The following CUL3 variants were observed in gnomAD, a reference collection of about 807,000 sequenced individuals.
The protein encoded by CUL3 is cullin-3.
CUL3 carries 19 observed loss-of-function variants against 89.1 expected under a neutral mutation model. That is an observed-to-expected ratio of 0.21 (90% CI 0.15 to 0.31). The LOEUF is 0.31. Ranked by LOEUF, CUL3 falls within the 10% of genes least tolerant of loss-of-function variation. The pLI is 1.00. For synonymous variants in CUL3, 351 were observed against 308.4 expected, an observed-to-expected ratio of 1.14 and a Z score of -1.45; for missense variants, 469 against 942.3, an observed-to-expected ratio of 0.50 and a Z score of 6.58.
chr2:224,558,410 T>C (rs1694790210), intron 1 of CUL3, among the ~76,000 whole-genome samples: 1 of 152,224 alleles, frequency 6.6e-6, no homozygotes, highest in Non-Finnish European at 1.5e-5. Context: ...ATCCTCACTC[T>C]ATGATTATGA....
At position 224,478,500 on chromosome 2, in the gene CUL3, TTAA is replaced by T. The variant is rs1574609453; in HGVS notation, c.2030-158_2030-156del. On this transcript the variant is annotated intron_variant, in intron 14 of 15. Coordinates refer to ENST00000264414, the MANE Select transcript of CUL3 (RefSeq NM_003590.5). The stretch of plus-strand genomic sequence containing the variant: ...TTCAAGTACGCATTCAGAAACTGTC[TTAA>T]TGTTTACTTGAATACTAAATTATCC... The T allele has an allele frequency of 4.0e-5, 20 of 502,434 alleles. No individual in the cohort carries two copies. In the East Asian group the frequency reaches 6.3e-4, roughly 16 times the overall value. 31.1% of individuals were successfully genotyped at this position (502,434 alleles called of 1,614,324 possible).
At chr2:224,493,173 T>C (rs1189255730) in intron 13 of CUL3, among the ~76,000 whole-genome samples, 1 of 152,234 alleles carries the variant, frequency 6.6e-6, no homozygotes, top group Non-Finnish European at 1.5e-5. Flanking sequence ...TTGTTAGTGG[T>C]TGTTTTAAAT....
intron 1 of CUL3, among the ~76,000 whole-genome samples, chr2:224,566,355 G>A (rs1439229244): frequency 6.6e-6 from 1 of 152,168 alleles, no homozygotes; most frequent in Non-Finnish European, 1.5e-5. Flanking sequence ...AGGCTCAGGG[G>A]TTAGTAGATT....
rs1692589919 is a variant in CUL3 at position 224,506,085 on chromosome 2, T to C, written c.1077A>G (p.Ser359=). The C allele has an allele frequency of 1.2e-6, 2 of 1,612,152 alleles. No individual in the cohort carries two copies. Among genetic ancestry groups the C allele is most frequent in the African/African-American group, 2.7e-5 (2 of 75,032 alleles). ...GTTTAAAGAGACGGTCATTGTTGAA[T>C]GATTCCAGGAGGAAGCGATCGAACC... is the stretch of plus-strand genomic sequence containing the variant. ...KSRFDRFLLE[S]FNNDRLFKQT... Residue 359 remains serine (S), a synonymous_variant, in exon 8 of 16, where the codon TCA becomes TCG. Coordinates refer to ENST00000264414, the MANE Select transcript of CUL3 (RefSeq NM_003590.5).
At chr2:224,527,130 C>T (rs1693510583) in intron 3 of CUL3, among the ~76,000 whole-genome samples, 1 of 152,130 alleles carries the variant, frequency 6.6e-6, no homozygotes, top group African/African-American at 2.4e-5. Context: ...ACCTTTCTTA[C>T]AAAAGCAAAG....
chr2:224,513,482 G>T lies in CUL3; in HGVS notation c.654+42C>A, dbSNP rs111771397. The stretch of plus-strand genomic sequence containing the variant: ...TAGTAACTATATTAAATAACATTAA[G>T]AACATCTTAAAAGATTATTTATTTA... On this transcript the variant is annotated intron_variant, in intron 5 of 15. Transcript: ENST00000264414. 1.3e-3 allele frequency: 1,640 copies of T among 1,234,920 alleles called. 24 individuals are homozygous for T. In the African/African-American group the frequency reaches 0.022, roughly 16 times the overall value. 76.5% of individuals were successfully genotyped at this position (1,234,920 alleles called of 1,614,324 possible).
chr2:224,524,222 T>C (rs1423994043), intron 3 of CUL3, among the ~76,000 whole-genome samples: 3 of 152,040 alleles, frequency 2.0e-5, no homozygotes, highest in South Asian at 2.1e-4. Flanking sequence ...ACTGGTTCCC[T>C]TCAGTCACTT....
intron 13 of CUL3, among the ~76,000 whole-genome samples, chr2:224,489,401 A>C (rs1022529750): frequency 2.7e-4 from 41 of 152,390 alleles, no homozygotes; most frequent in African/African-American, 9.1e-4. Flanking sequence ...AAGCAACTTG[A>C]GCAAAGTCTC....
chr2:224,578,122 A>G (rs1351320850), intron 1 of CUL3, among the ~76,000 whole-genome samples: 1 of 152,218 alleles, frequency 6.6e-6, no homozygotes, highest in African/African-American at 2.4e-5. Context: ...TAGGTAATAT[A>G]TTTCAGTTAC....
At chr2:224,521,535 A>G (rs934124688) in intron 3 of CUL3, among the ~76,000 whole-genome samples, 1 of 151,228 alleles carries the variant, frequency 6.6e-6, no homozygotes, top group Non-Finnish European at 1.5e-5. Flanking sequence ...GGTTCAAGTG[A>G]TCCTCCTGCC....
intron 2 of CUL3, among the ~76,000 whole-genome samples, chr2:224,548,525 A>G (rs562308160): frequency 9.8e-5 from 15 of 152,342 alleles, no homozygotes; most frequent in African/African-American, 3.6e-4. Flanking sequence ...ACCAACTTTC[A>G]AAGTTCAATA....
intron 12 of CUL3, 78 bp from the exon 13 acceptor site, chr2:224,496,044 TG>T: frequency 7.0e-7 from 1 of 1,437,878 alleles, no homozygotes; most frequent in Non-Finnish European, 9.6e-7. Context: ...TACGTACATA[TG>T]TATGTTACAG....
intron 3 of CUL3, among the ~76,000 whole-genome samples, chr2:224,521,618 T>G (rs1027245040): frequency 1.3e-5 from 2 of 151,720 alleles, no homozygotes; most frequent in South Asian, 2.1e-4. Flanking sequence ...TTCAGTAGAG[T>G]TGGGGTTTCA....
Position 224,495,826 on chromosome 2 carries a change from C to G in CUL3, c.1842+6G>C. The G allele has an allele frequency of 6.2e-7, 1 of 1,604,508 alleles. No individual in the cohort carries two copies. Among genetic ancestry groups the G allele is most frequent in the Non-Finnish European group, 8.5e-7 (1 of 1,173,780 alleles). ...CAGTTAAAATGTATATAACCACAATCCATACCTCAAATGTGTATTTTTCTC... is the reference window on the plus strand; with the variant it reads ...CAGTTAAAATGTATATAACCACAATGCATACCTCAAATGTGTATTTTTCTC... On this transcript the variant is annotated splice_donor_region_variant and intron_variant, in intron 13 of 15. Coordinates refer to ENST00000264414, the MANE Select transcript of CUL3 (RefSeq NM_003590.5).
chr2:224,530,578 C>T (rs1693661117), intron 3 of CUL3, among the ~76,000 whole-genome samples: 1 of 152,190 alleles, frequency 6.6e-6, no homozygotes, highest in South Asian at 2.1e-4. Context: ...CACTTTAGTT[C>T]ATTTCAACAT....
intron 1 of CUL3, chr2:224,563,364 A>G (rs1694961970): frequency 2.2e-6 from 1 of 449,948 alleles, no homozygotes; most frequent in South Asian, 1.7e-5. Flanking sequence ...TACATCTATT[A>G]TCCGTACATG....
chr2:224,486,018 G>C (rs1296470869), intron 13 of CUL3, among the ~76,000 whole-genome samples: 1 of 152,216 alleles, frequency 6.6e-6, no homozygotes, highest in African/African-American at 2.4e-5. Flanking sequence ...CAGAAGAGAG[G>C]CCTGATTGTT....
At chr2:224,537,128 T>C (rs16866037) in intron 2 of CUL3, among the ~76,000 whole-genome samples, 2,679 of 152,286 alleles carry the variant, frequency 0.018, 77 homozygotes, top group African/African-American at 0.06. Flanking sequence ...TTGAGATATA[T>C]AGACACCTCT....
At chr2:224,568,898 A>T (rs1289190614) in intron 1 of CUL3, among the ~76,000 whole-genome samples, 2 of 152,180 alleles carry the variant, frequency 1.3e-5, no homozygotes, top group Non-Finnish European at 2.9e-5. Context: ...TTGGCAAAAT[A>T]ATTATGTTAC....
Sources: allele counts gnomAD v4.1 joint callset (sites outside exome capture counted in the v4.1 genomes callset), GRCh38; gene constraint gnomAD v4.1.1; transcripts MANE v1.5; gene names NCBI Gene and HGNC (gene_info 2026-07-23, HGNC 2026-07-21).